Variants in DDX56 observed in about 807,000 individuals in gnomAD.
DDX56 encodes the protein DEAD-box helicase 56.
In DDX56, 45 loss-of-function variants were observed where a neutral mutation model predicts 61.5. That is an observed-to-expected ratio of 0.73 (90% CI 0.58 to 0.94). The LOEUF (loss-of-function observed/expected upper bound fraction) is 0.94. Ranked by LOEUF, DDX56 falls within the 40% of genes least tolerant of loss-of-function variation. DDX56 has a pLI of 0.00. For synonymous variants in DDX56, 273 were observed against 268.3 expected, an observed-to-expected ratio of 1.02 and a Z score of -0.17; for missense variants, 708 against 690.7, an observed-to-expected ratio of 1.02 and a Z score of -0.28.
chr7:44,569,254 G>A (rs1349266971), intron 9 of DDX56, 51 bp from the exon 10 acceptor site: 30 of 1,556,582 alleles, frequency 1.9e-5, no homozygotes, highest in Non-Finnish European at 2.4e-5. Context: ...CTTAGGATAG[G>A]GTCTTCATTG....
chr7:44,573,188 C>T (rs1802725217), intron 2 of DDX56, 138 bp from the exon 3 acceptor site: 1 of 761,466 alleles, frequency 1.3e-6, no homozygotes, highest in Non-Finnish European at 2.0e-6. Context: ...CTCTGCCCGC[C>T]TCAGAATGCA....
chr7:44,570,437 G>A (rs1036737424), intron 7 of DDX56, among the ~76,000 whole-genome samples: 1 of 152,180 alleles, frequency 6.6e-6, no homozygotes, highest in Non-Finnish European at 1.5e-5. Flanking sequence ...AGAGTTGGGG[G>A]GTTCCTTTTC....
chr7:44,566,513 G>C lies in DDX56; in HGVS notation c.1501C>G (p.Leu501Val), dbSNP rs374315047. ...TTGTGAGGGCGCACCAGGCCACGGA[G>C]AGCAGGAGGAACTGGAAGAGATGCT... is the stretch of plus-strand genomic sequence containing the variant. ...HVPDYLVPPALRGLVRPHKKR... is the reference protein window; with the variant it reads ...HVPDYLVPPAVRGLVRPHKKR... The change falls in exon 13 of 14, where the codon CTC becomes GTC. Residue 501 changes from leucine (L) to valine (V), a missense_variant. Leu to Val is a conservative substitution (Grantham distance 32, BLOSUM62 1). Coordinates refer to ENST00000258772, the MANE Select transcript of DDX56 (RefSeq NM_019082.4). The C allele has an allele frequency of 3.3e-5, 52 of 1,562,268 alleles. No individual in the cohort carries two copies. The highest frequency in any genetic ancestry group is 3.8e-5 in the Non-Finnish European group (44 of 1,151,556).
chr7:44,568,032 A>G (rs1802584686), intron 12 of DDX56, 86 bp downstream of exon 12: 1 of 1,087,836 alleles, frequency 9.2e-7, no homozygotes, highest in African/African-American at 1.6e-5. Context: ...CATCCCCAGC[A>G]CCAAGCACAG....
chr7:44,572,882 T>C lies in DDX56; in HGVS notation c.383+8A>G, dbSNP rs1442924641. ...TCATTCAGGTACAGCTTTGCTGCTT[T>C]TACCCACCTCTGAGAGACTGAGTCT... On this transcript the variant is annotated splice_region_variant and intron_variant, in intron 3 of 13. Transcript: ENST00000258772. The C allele has an allele frequency of 6.3e-7, 1 of 1,584,722 alleles. No individual in the cohort carries two copies. The highest frequency in any genetic ancestry group is 8.6e-7 in the Non-Finnish European group (1 of 1,163,364).
chr7:44,569,001 G>A lies in DDX56; in HGVS notation c.1294-9C>T, dbSNP rs753547544. 3 of 1,613,882 alleles carry A rather than the reference G, an allele frequency of 1.9e-6. No individual in the cohort carries two copies. The highest frequency in any genetic ancestry group is 1.7e-5 in the Admixed American group (1 of 60,014). On this transcript the variant is annotated splice_polypyrimidine_tract_variant and intron_variant, in intron 10 of 13. Transcript: ENST00000258772. ...ACTGAGCGCATGGCATCCTGGGGGT[G>A]GACACTGAAGGTCAAGACAGTGAGG...
intron 10 of DDX56, 58 bp downstream of exon 10, chr7:44,569,072 G>A (rs1802608928): frequency 6.2e-7 from 1 of 1,610,614 alleles, no homozygotes; most frequent in South Asian, 1.1e-5. Flanking sequence ...GCAAGACGGT[G>A]CAATCCCTGG....
chr7:44,568,946 A>C lies in DDX56; in HGVS notation c.1340T>G (p.Leu447Trp), dbSNP rs1802605241. 1 of 1,613,982 alleles carries C rather than the reference A, an allele frequency of 6.2e-7. No individual in the cohort carries two copies. The highest frequency in any genetic ancestry group is 1.7e-5 in the Admixed American group (1 of 60,008). ...CAGAAGCTCTTCCTTGATCTCCTTC[A>C]ATCTTGCCTCCCGAATGGCCTGCTT... ...VTKQAIREAR[L>W]KEIKEELLHS... Residue 447 changes from leucine (L) to tryptophan (W), a missense_variant, in exon 11 of 14, where the codon TTG becomes TGG. By Grantham distance (61) the Leu-to-Trp change is moderately conservative. Coordinates refer to ENST00000258772, the MANE Select transcript of DDX56 (RefSeq NM_019082.4).
At chr7:44,573,515 A>G in intron 2 of DDX56, 68 bp downstream of exon 2, 1 of 1,574,360 alleles carries the variant, frequency 6.4e-7, no homozygotes, top group South Asian at 1.1e-5. Context: ...CCTCAGACAA[A>G]CGGGAACCGC....
At chr7:44,570,200 A>T (rs1802637807) in intron 7 of DDX56, 72 bp from the exon 8 acceptor site, 34 of 1,560,562 alleles carry the variant, frequency 2.2e-5, no homozygotes, top group Non-Finnish European at 2.9e-5. Context: ...TGAATCAGCA[A>T]AACTTCCTCT....
At position 44,573,858 on chromosome 7, in the gene DDX56, C is replaced by G. The variant is rs765538075; in HGVS notation, c.38G>C (p.Gly13Ala). ...TACCTGAAGGAGCCGGGGATCGAGG[C>G]CCATGTGTTCGAAGCCCAGTGCTTC... Reference protein sequence around the residue: ...DSEALGFEHMGLDPRLLQAVT... With the variant: ...DSEALGFEHMALDPRLLQAVT... The change falls in exon 1 of 14, where the codon GGC (glycine) becomes GCC (alanine). Residue 13 changes from glycine to alanine, a missense_variant. By Grantham distance (60) the Gly-to-Ala change is moderately conservative. Coordinates refer to ENST00000258772, the MANE Select transcript of DDX56 (RefSeq NM_019082.4). The G allele has an allele frequency of 6.2e-7, 1 of 1,613,200 alleles. No individual in the cohort carries two copies. Among genetic ancestry groups the G allele is most frequent in the Non-Finnish European group, 8.5e-7 (1 of 1,180,022 alleles).
At chr7:44,569,940 C>T (rs768571665) in intron 8 of DDX56, 37 bp from the exon 9 acceptor site, 4 of 1,611,448 alleles carry the variant, frequency 2.5e-6, no homozygotes, top group South Asian at 2.2e-5. Flanking sequence ...ATCTCCAACC[C>T]GCAGGCTCTG....
chr7:44,566,274 GT>G lies in DDX56; in HGVS notation c.1566+173del, dbSNP rs777592358. On this transcript the variant is annotated intron_variant, in intron 13 of 13. Coordinates refer to ENST00000258772, the MANE Select transcript of DDX56 (RefSeq NM_019082.4). ...GCAGGGCCTGCAGGCGGCTGCAAAAGTACCCCTATCCCACACCAGATTTTTG... is the reference window on the plus strand; with the variant it reads ...GCAGGGCCTGCAGGCGGCTGCAAAAGACCCCTATCCCACACCAGATTTTTG... The G allele has an allele frequency of 5.9e-5, 43 of 727,262 alleles. 2 individuals carry two copies. The highest frequency in any genetic ancestry group is 5.1e-4 in the South Asian group (32 of 62,410). 45.1% of individuals were successfully genotyped at this position (727,262 alleles called of 1,614,324 possible).
intron 5 of DDX56, among the ~76,000 whole-genome samples, 162 bp downstream of exon 5, chr7:44,572,185 A>G: frequency 6.6e-6 from 1 of 152,178 alleles, no homozygotes; most frequent in South Asian, 2.1e-4. Flanking sequence ...GGAAATATAT[A>G]GTGATTTTAG....
chr7:44,569,130 C>G lies in DDX56; in HGVS notation c.1293G>C (p.Arg431Ser). 1 of 1,613,884 alleles carries G rather than the reference C, an allele frequency of 6.2e-7. No individual in the cohort carries two copies. Among genetic ancestry groups the G allele is most frequent in the Non-Finnish European group, 8.5e-7 (1 of 1,179,764 alleles). The part of the protein sequence containing the change: ...EEIEGFRYRC[R>S]DAMRSVTKQA... ...TCCCCTCCCCACCACAGCAGCTCAC[C>G]CTGCAGCGATAGCGGAAGCCCTCGA... Residue 431 changes from arginine to serine, a missense_variant and splice_region_variant, in exon 10 of 14, where the codon AGG (arginine) becomes AGC (serine). Coordinates refer to ENST00000258772, the MANE Select transcript of DDX56 (RefSeq NM_019082.4).
intron 12 of DDX56, among the ~76,000 whole-genome samples, chr7:44,566,984 C>T (rs1352245799): frequency 6.6e-6 from 1 of 152,098 alleles, no homozygotes; most frequent in East Asian, 1.9e-4. Flanking sequence ...CACCTTTCCA[C>T]CTTCTCCTGG....
At position 44,566,478 on chromosome 7, in the gene DDX56, C is replaced by A; in HGVS notation, c.1536G>T (p.Lys512Asn). 1 of 1,564,272 alleles carries A rather than the reference C, an allele frequency of 6.4e-7. No homozygotes were observed. Among genetic ancestry groups the A allele is most frequent in the Non-Finnish European group, 8.7e-7 (1 of 1,153,676 alleles). The change falls in exon 13 of 14, where the codon AAG (lysine) becomes AAT (asparagine). Residue 512 changes from lysine (K) to asparagine (N), a missense_variant. Lys to Asn is a moderately conservative substitution (Grantham distance 94). Transcript: ENST00000258772. ...CCTTCCTACAAGAGGAAGACAGCTT[C>A]TTCCGCTTCTTGTGAGGGCGCACCA... The part of the protein sequence containing the change: ...RGLVRPHKKR[K>N]KLSSSCRKAK...
intron 7 of DDX56, 27 bp from the exon 8 acceptor site, chr7:44,570,155 G>A: frequency 6.2e-7 from 1 of 1,611,756 alleles, no homozygotes. Context: ...ATGTCAGCCG[G>A]ACCCTTCCTC....
intron 5 of DDX56, 135 bp from the exon 6 acceptor site, chr7:44,571,871 C>T: frequency 8.4e-7 from 1 of 1,195,286 alleles, no homozygotes; most frequent in Non-Finnish European, 1.2e-6. Flanking sequence ...CCCTAACTCT[C>T]CTCCAGTTTT....
Sources: gnomAD v4.1 joint callset for allele counts (sites outside exome capture counted in the v4.1 genomes callset) on GRCh38, gnomAD v4.1.1 for gene constraint, MANE v1.5 for transcripts, NCBI Gene and HGNC (gene_info 2026-07-23, HGNC 2026-07-21) for gene names.